STXBP5L: variants seen among roughly 807,000 people sequenced by gnomAD.
STXBP5L encodes the protein syntaxin binding protein 5L.
Under a neutral mutation model 144.5 loss-of-function variants are expected in STXBP5L, and 65 were observed. The observed-to-expected ratio is 0.45, with a 90% confidence interval of 0.37 to 0.55. STXBP5L has a LOEUF of 0.55. Among genes scored for constraint, STXBP5L ranks in the 20% least tolerant of loss-of-function variants. The pLI is 0.00. For missense variants in STXBP5L, 1,298 were observed against 1,405.5 expected (o/e 0.92, Z 1.22); for synonymous variants, 505 against 469.6 (o/e 1.08, Z -0.97).
intron 3 of STXBP5L, among the ~76,000 whole-genome samples, chr3:120,967,734 A>G (rs992817330): frequency 3.9e-5 from 6 of 151,900 alleles, no homozygotes; most frequent in African/African-American, 1.5e-4. Context: ...TAGGCTTTTT[A>G]TTGCTATAAA....
In STXBP5L at chr3:120,973,990, C is replaced by T. The variant is rs916186340; in HGVS notation, c.287+18953C>T. Among the ~76,000 whole-genome samples the T allele has an allele frequency of 6.6e-5, 10 of 152,016 alleles. No individual in the cohort carries two copies. In the South Asian group the frequency reaches 1.0e-3, roughly 16 times the overall value. ...AAGTCTTTGCTATTATGAATAGTGCCGCAATAAACATACGTGTGCATGTGT... is the reference window on the plus strand; with the variant it reads ...AAGTCTTTGCTATTATGAATAGTGCTGCAATAAACATACGTGTGCATGTGT... On this transcript the variant is annotated intron_variant, in intron 3 of 26. Transcript: ENST00000471454.
Position 121,115,072 on chromosome 3 carries a change from T to A in STXBP5L, c.605+13T>A. 3 of 1,598,290 alleles carry A rather than the reference T, an allele frequency of 1.9e-6. No individual in the cohort carries two copies. Among genetic ancestry groups the A allele is most frequent in the Non-Finnish European group, 2.6e-6 (3 of 1,174,600 alleles). On this transcript the variant is annotated intron_variant, in intron 6 of 26. Transcript: ENST00000471454. ...AGGCAATTGAACTGTAAGTTTGAAC[T>A]TGGATATCACTTTATTGGCTTAAAT... is the stretch of plus-strand genomic sequence containing the variant.
intron 5 of STXBP5L, among the ~76,000 whole-genome samples, chr3:121,114,146 T>C (rs1302964696): frequency 6.6e-6 from 1 of 152,080 alleles, no homozygotes. Context: ...GGAGTGATAA[T>C]GTTGTGAATA....
At chr3:121,301,341 CTGTT>C (rs1404860717) in intron 19 of STXBP5L, among the ~76,000 whole-genome samples, 4 of 152,150 alleles carry the variant, frequency 2.6e-5, no homozygotes, top group Admixed American at 2.0e-4. Flanking sequence ...ATTTGGCTCT[CTGTT>C]TGTCTGTTAT....
intron 21 of STXBP5L, among the ~76,000 whole-genome samples, chr3:121,379,883 G>A (rs1193788990): frequency 6.6e-6 from 1 of 152,074 alleles, no homozygotes; most frequent in East Asian, 1.9e-4. Context: ...TGCTGAGGTT[G>A]GATTACAGTG....
At chr3:121,331,319 C>G (rs905465131) in intron 20 of STXBP5L, among the ~76,000 whole-genome samples, 1 of 152,178 alleles carries the variant, frequency 6.6e-6, no homozygotes, top group South Asian at 2.1e-4. Flanking sequence ...CCCCCTTGCT[C>G]GCCACTGCAG....
intron 3 of STXBP5L, among the ~76,000 whole-genome samples, chr3:120,987,991 A>C (rs1005592437): frequency 6.6e-6 from 1 of 151,526 alleles, no homozygotes; most frequent in Non-Finnish European, 1.5e-5. Context: ...TTATAGGACT[A>C]TTTTGTTTGT....
chr3:121,150,973 A>G (rs2045910932), intron 7 of STXBP5L, among the ~76,000 whole-genome samples: 1 of 152,130 alleles, frequency 6.6e-6, no homozygotes, highest in Non-Finnish European at 1.5e-5. Context: ...CTGTAATCCC[A>G]GCTATTCAGG....
chr3:121,388,130 T>A (rs2046475575), intron 22 of STXBP5L, among the ~76,000 whole-genome samples: 1 of 152,226 alleles, frequency 6.6e-6, no homozygotes, highest in African/African-American at 2.4e-5. Flanking sequence ...CCCTTGTAAG[T>A]TGGATTCCTA....
chr3:120,964,496 A>G (rs1046995215), intron 3 of STXBP5L, among the ~76,000 whole-genome samples: 3 of 152,190 alleles, frequency 2.0e-5, no homozygotes, highest in African/African-American at 7.2e-5. Flanking sequence ...GGTTTCAAAG[A>G]ACATCTTTAT....
chr3:121,279,268 A>T (rs1400218663), intron 18 of STXBP5L, among the ~76,000 whole-genome samples: 2 of 151,950 alleles, frequency 1.3e-5, no homozygotes, highest in African/African-American at 4.8e-5. Context: ...CAAAATAAAG[A>T]GCACAAAAGT....
chr3:121,108,340 G>T (rs2107804213), intron 5 of STXBP5L, among the ~76,000 whole-genome samples: 1 of 152,208 alleles, frequency 6.6e-6, no homozygotes, highest in Non-Finnish European at 1.5e-5. Flanking sequence ...TATGATATTG[G>T]CTGTGGGTTT....
At chr3:121,099,860 C>A (rs987756359) in intron 5 of STXBP5L, 8 of 152,114 alleles carry the variant, frequency 5.3e-5, no homozygotes, top group Non-Finnish European at 1.2e-4. Flanking sequence ...TCAAGAGACC[C>A]ATTGCACACC....
At chr3:121,292,840 G>T (rs1176886759) in intron 19 of STXBP5L, among the ~76,000 whole-genome samples, 1 of 152,112 alleles carries the variant, frequency 6.6e-6, no homozygotes, top group Non-Finnish European at 1.5e-5. Context: ...TTATGAGGCT[G>T]CAAAGGCATA....
chr3:121,207,309 T>C (rs113634459), intron 10 of STXBP5L, among the ~76,000 whole-genome samples: 13 of 152,148 alleles, frequency 8.5e-5, no homozygotes, highest in Non-Finnish European at 1.3e-4. Flanking sequence ...ATCCCTTACT[T>C]ACACCTTATA....
chr3:120,955,079 A>C, intron 3 of STXBP5L, 42 bp downstream of exon 3: 1 of 1,338,638 alleles, frequency 7.5e-7, no homozygotes, highest in Non-Finnish European at 1.1e-6. Context: ...CAGTAATGCC[A>C]ATTACATTTC....
chr3:121,003,412 T>C (rs989714222), intron 3 of STXBP5L, among the ~76,000 whole-genome samples: 10 of 152,228 alleles, frequency 6.6e-5, no homozygotes, highest in African/African-American at 2.4e-4. Context: ...TGTTTCTTTC[T>C]TGTAATTTTG....
chr3:121,285,300 A>AT (rs2051193033), intron 19 of STXBP5L, among the ~76,000 whole-genome samples: 1 of 152,072 alleles, frequency 6.6e-6, no homozygotes, highest in Non-Finnish European at 1.5e-5. Context: ...TAGTCTCTCA[A>AT]AGCCACACAG....
chr3:120,970,362 A>G (rs879099735), intron 3 of STXBP5L, among the ~76,000 whole-genome samples: 1 of 152,088 alleles, frequency 6.6e-6, no homozygotes, highest in Non-Finnish European at 1.5e-5. Flanking sequence ...ATTTCTTGTA[A>G]GACAGGTCAC....
Sources: gnomAD v4.1 joint callset for allele counts (sites outside exome capture counted in the v4.1 genomes callset) on GRCh38, gnomAD v4.1.1 for gene constraint, MANE v1.5 for transcripts, NCBI Gene and HGNC (gene_info 2026-07-23, HGNC 2026-07-21) for gene names.